The following PKN3 variants were observed in gnomAD, a reference collection of about 807,000 sequenced individuals.
PKN3 encodes serine/threonine-protein kinase N3.
Under a neutral mutation model 113.1 loss-of-function variants are expected in PKN3, and 91 were observed. The ratio of observed to expected loss-of-function variants is 0.80; its 90% CI spans 0.68 to 0.96. PKN3 has a LOEUF of 0.96. Among genes scored for constraint, PKN3 ranks in the 40% least tolerant of loss-of-function variants. PKN3 has a pLI of 0.00. For missense variants in PKN3, 1,052 were observed against 1,202.2 expected, an observed-to-expected ratio of 0.88 and a Z score of 1.85; for synonymous variants, 467 against 499.0, an observed-to-expected ratio of 0.94 and a Z score of 0.85.
chr9:128,719,797 G>C lies in PKN3; in HGVS notation c.2237G>C (p.Gly746Ala). 6.2e-7 allele frequency: 1 copy of C among 1,608,090 alleles called. No homozygotes were observed. Residue 746 changes from glycine to alanine, a missense_variant, in exon 19 of 22, where the codon GGT (glycine) becomes GCT (alanine). Around this residue, in one of 2 missense-constraint regions of PKN3, gnomAD observed 333 missense variants for 442.8 expected, o/e 0.75. Transcript: ENST00000291906. ...CGGGCTGTGGACTGGTGGGGGCTGG[G>C]TGTGCTGCTCTACGAGATGCTGGTG... The part of the protein sequence containing the change: ...YTRAVDWWGL[G>A]VLLYEMLVGE...
At chr9:128,709,558 C>T (rs1349259863) in intron 6 of PKN3, among the ~76,000 whole-genome samples, 1 of 151,596 alleles carries the variant, frequency 6.6e-6, no homozygotes, top group Non-Finnish European at 1.5e-5. Context: ...TCGAGAGCAG[C>T]CTGACAAAAA....
In PKN3 at chr9:128,705,891, C is replaced by A; in HGVS notation, c.411+12C>A. 1 of 1,574,816 alleles carries A rather than the reference C, an allele frequency of 6.3e-7. No individual in the cohort carries two copies. The highest frequency in any genetic ancestry group is 8.6e-7 in the Non-Finnish European group (1 of 1,156,516). ...GTGGCACCCCCAAGGTAAGGCCCCA[C>A]AGTCTGATGGCAGGAGCACCCTGGC... is the stretch of plus-strand genomic sequence containing the variant. On this transcript the variant is annotated intron_variant, in intron 3 of 21. Coordinates refer to ENST00000291906, the MANE Select transcript of PKN3 (RefSeq NM_013355.5).
chr9:128,714,737 A>G, intron 12 of PKN3, 61 bp from the exon 13 acceptor site: 7 of 1,523,490 alleles, frequency 4.6e-6, no homozygotes, highest in Non-Finnish European at 6.4e-6. Context: ...GTGGGGTGGC[A>G]GGCCTGAAGG....
Position 128,702,623 on chromosome 9 carries a change from G to T in PKN3, c.-293G>T, listed in dbSNP as rs182012875. On this transcript the variant is annotated 5_prime_UTR_variant, in exon 1 of 22. Coordinates refer to ENST00000291906, the MANE Select transcript of PKN3 (RefSeq NM_013355.5). ...GGGGTGAGGCGCGGTCACGCCCAGCGGGAACCGCAGGCGCCGAAGCCCGGG... is the reference window on the plus strand; with the variant it reads ...GGGGTGAGGCGCGGTCACGCCCAGCTGGAACCGCAGGCGCCGAAGCCCGGG... 521 of 390,322 alleles carry T rather than the reference G, an allele frequency of 1.3e-3. 1 individual carries two copies. Among genetic ancestry groups the T allele is most frequent in the Non-Finnish European group, 2.0e-3 (433 of 220,634 alleles). 24.2% of individuals were successfully genotyped at this position (390,322 alleles called of 1,614,324 possible).
Position 128,718,640 on chromosome 9 carries a change from T to G in PKN3, c.2125+15T>G, listed in dbSNP as rs375540700. On this transcript the variant is annotated intron_variant, in intron 18 of 21. Coordinates refer to ENST00000291906, the MANE Select transcript of PKN3 (RefSeq NM_013355.5). ...CTGCAAGGAAGGTGGGGGCCGCCCATTGGGATCCATATCTCCAGCCTTGTT... is the reference window on the plus strand; with the variant it reads ...CTGCAAGGAAGGTGGGGGCCGCCCAGTGGGATCCATATCTCCAGCCTTGTT... The G allele has an allele frequency of 1.1e-5, 17 of 1,612,538 alleles. No homozygotes were observed. In the African/African-American group the frequency reaches 2.3e-4, roughly 21 times the overall value.
chr9:128,712,446 A>G (rs909781125), intron 6 of PKN3, among the ~76,000 whole-genome samples: 15 of 152,104 alleles, frequency 9.9e-5, no homozygotes, highest in Admixed American at 2.6e-4. Context: ...CCATTGGGAG[A>G]GGTGGGGCAG....
At chr9:128,713,949 C>A in intron 9 of PKN3, 97 bp from the exon 10 acceptor site, 1 of 1,262,728 alleles carries the variant, frequency 7.9e-7, no homozygotes, top group Non-Finnish European at 1.2e-6. Context: ...CATCTGTTGA[C>A]CCTGGGGGCT....
intron 6 of PKN3, among the ~76,000 whole-genome samples, chr9:128,710,530 C>T (rs912654725): frequency 1.8e-4 from 27 of 151,954 alleles, no homozygotes; most frequent in African/African-American, 6.0e-4. Context: ...CTCGCACTGT[C>T]GCCCAGACTG....
At chr9:128,718,246 A>G (rs1490894607) in intron 16 of PKN3, 79 bp from the exon 17 acceptor site, 2 of 1,067,412 alleles carry the variant, frequency 1.9e-6, no homozygotes, top group Admixed American at 1.7e-5. Context: ...TCCCCCCGCT[A>G]TGGCCATCCT....
chr9:128,706,313 TGGG>T (rs1242407015), intron 3 of PKN3, among the ~76,000 whole-genome samples: 1 of 150,132 alleles, frequency 6.7e-6, no homozygotes, highest in Admixed American at 6.6e-5. Flanking sequence ...CCTCATCTAA[TGGG>T]GGAGGCTTAG....
chr9:128,720,402 C>G lies in PKN3; in HGVS notation c.2466C>G (p.Asn822Lys). 2.5e-6 allele frequency: 4 copies of G among 1,613,136 alleles called. No homozygotes were observed. Among genetic ancestry groups the G allele is most frequent in the Non-Finnish European group, 3.4e-6 (4 of 1,179,966 alleles). The change falls in exon 22 of 22, where the codon AAC becomes AAG. Residue 822 changes from asparagine (N) to lysine (K), a missense_variant. By Grantham distance (94) the Asn-to-Lys change is moderately conservative (BLOSUM62 0). Around this residue, in one of 2 missense-constraint regions of PKN3, gnomAD observed 333 missense variants for 442.8 expected, o/e 0.75. Coordinates refer to ENST00000291906, the MANE Select transcript of PKN3 (RefSeq NM_013355.5). The surrounding 1 kb of genome is among the most constrained non-coding windows in gnomAD (Gnocchi z 5.5). The part of the protein sequence containing the change: ...IKVQPFFRTT[N>K]WQALLARTIQ... ...CTCTCCTTTGCCCTCAGACCACCAA[C>G]TGGCAAGCCCTGCTCGCCCGCACCA...
rs766441382 is a variant in PKN3 at position 128,714,798 on chromosome 9, C to T, written c.1585C>T (p.Arg529Cys). The change falls in exon 13 of 22, where the codon CGC (arginine) becomes TGC (cysteine). Residue 529 changes from arginine (R) to cysteine (C), a missense_variant and splice_region_variant. This residue lies in a region of PKN3 where 719 missense variants were observed against 759.4 expected (regional missense o/e 0.95). Coordinates refer to ENST00000291906, the MANE Select transcript of PKN3 (RefSeq NM_013355.5). ...GCCCTGAGCTCCTCTATACTCACAG[C>T]GCACCAAACGTCCCCATATGGAGCC... is the stretch of plus-strand genomic sequence containing the variant. ...PQEPTSEETP[R>C]TKRPHMEPRT... The T allele has an allele frequency of 7.1e-5, 115 of 1,613,456 alleles. No individual in the cohort carries two copies. Among genetic ancestry groups the T allele is most frequent in the Non-Finnish European group, 9.2e-5 (109 of 1,179,556 alleles).
chr9:128,713,717 C>T (rs1862251717), intron 9 of PKN3, 75 bp downstream of exon 9: 2 of 1,447,812 alleles, frequency 1.4e-6, no homozygotes, highest in Admixed American at 1.8e-5. Context: ...AAGACCGATG[C>T]ACTGCGTGTA....
At chr9:128,713,864 C>T (rs1180614262) in intron 9 of PKN3, among the ~76,000 whole-genome samples, 182 bp from the exon 10 acceptor site, 1 of 152,212 alleles carries the variant, frequency 6.6e-6, no homozygotes, top group African/African-American at 2.4e-5. Context: ...AGTGCCTCTC[C>T]TCCCTGGGCC....
chr9:128,714,712 C>T (rs773963010), intron 12 of PKN3, 48 bp downstream of exon 12: 58 of 1,415,764 alleles, frequency 4.1e-5, no homozygotes, highest in Non-Finnish European at 5.8e-5. Context: ...CTGGGGCTGG[C>T]AGGGCCACCC....
chr9:128,717,660 G>A (rs539407518), intron 16 of PKN3, among the ~76,000 whole-genome samples: 191 of 150,752 alleles, frequency 1.3e-3, no homozygotes, highest in Non-Finnish European at 2.0e-3. Flanking sequence ...CCCAGGAGGC[G>A]GAGGTTGGAG....
rs1233666244 is a variant in PKN3, at chr9:128,715,449, C to T, written c.1797C>T (p.Asp599=). 9 of 1,613,300 alleles carry T rather than the reference C, an allele frequency of 5.6e-6. No individual in the cohort carries two copies. Among genetic ancestry groups the T allele is most frequent in the East Asian group, 2.2e-5 (1 of 44,892 alleles). The change falls in exon 15 of 22, where the codon GAC becomes GAT. Residue 599 remains aspartate (D), a synonymous_variant. Transcript: ENST00000291906. The surrounding 1 kb of genome is among the most constrained non-coding windows in gnomAD (Gnocchi z 4.1). ...AGAAGCAGGAGGTGCTCAGCCGGGA[C>T]GAGATAGAGAGGTGTGTGGGGGTGC... The part of the protein sequence containing the change: ...ALKKQEVLSR[D]EIESLYCEKR...
intron 1 of PKN3, 111 bp downstream of exon 1, chr9:128,703,050 C>G: frequency 1.3e-6 from 1 of 742,356 alleles, no homozygotes; most frequent in Non-Finnish European, 2.0e-6. Context: ...TCACCCGCGC[C>G]CCTTCCCTGC....
chr9:128,717,738 G>T (rs1324788597), intron 16 of PKN3, among the ~76,000 whole-genome samples: 15 of 139,570 alleles, frequency 1.1e-4, no homozygotes, highest in Admixed American at 8.0e-4. Context: ...AAAAAAAAAA[G>T]GCCGGGCACG....
Sources: allele counts gnomAD v4.1 joint callset (sites outside exome capture counted in the v4.1 genomes callset), GRCh38; gene constraint gnomAD v4.1.1; regional missense constraint gnomAD v4.1.1; non-coding constraint Gnocchi (gnomAD v3.1); transcripts MANE v1.5; gene names NCBI Gene and HGNC (gene_info 2026-07-23, HGNC 2026-07-21).